Variants in ZPBP observed in about 807,000 individuals in gnomAD.
ZPBP encodes the protein zona pellucida binding protein, also known as zona pellucida-binding protein 1.
Under a neutral mutation model 44.8 loss-of-function variants are expected in ZPBP, and 26 were observed. The ratio of observed to expected loss-of-function variants is 0.58; its 90% CI spans 0.43 to 0.81. The LOEUF (loss-of-function observed/expected upper bound fraction) is 0.81, where lower values mean the gene tolerates loss of function less well. ZPBP is among the 30% of genes least tolerant of loss of function. The pLI is 0.00. For missense variants in ZPBP, 409 were observed against 434.0 expected (o/e 0.94, Z 0.51); for synonymous variants, 174 against 153.2 (o/e 1.14, Z -1.00).
intron 6 of ZPBP, among the ~76,000 whole-genome samples, chr7:49,997,403 A>G (rs1797895845): frequency 6.6e-6 from 1 of 152,168 alleles, no homozygotes; most frequent in South Asian, 2.1e-4. Flanking sequence ...CATAGCTCTA[A>G]CATTCATTCA....
chr7:49,962,266 A>G (rs1358839685), intron 7 of ZPBP, among the ~76,000 whole-genome samples: 2 of 151,916 alleles, frequency 1.3e-5, no homozygotes, highest in Non-Finnish European at 2.9e-5. Flanking sequence ...TTATTATAGC[A>G]TATAAAAATT....
intron 7 of ZPBP, among the ~76,000 whole-genome samples, chr7:49,976,441 C>T (rs1339578789): frequency 6.6e-6 from 1 of 152,070 alleles, no homozygotes; most frequent in African/African-American, 2.4e-5. Flanking sequence ...AAGTTGACAA[C>T]TGTTTGATTT....
At chr7:49,878,556 C>T (rs1791540292) in intron 2 of ZPBP, among the ~76,000 whole-genome samples, 1 of 152,156 alleles carries the variant, frequency 6.6e-6, no homozygotes, top group Admixed American at 6.6e-5. Context: ...TCCCAGCTCT[C>T]AACGCTCGGT....
At chr7:50,004,893 T>C (rs2128796919) in intron 6 of ZPBP, among the ~76,000 whole-genome samples, 1 of 152,106 alleles carries the variant, frequency 6.6e-6, no homozygotes, top group South Asian at 2.1e-4. Context: ...TAAATAAAAA[T>C]GGCTGAAAAT....
chr7:49,909,570 C>T (rs1314745148), intron 1 of ZPBP, among the ~76,000 whole-genome samples: 2 of 152,046 alleles, frequency 1.3e-5, no homozygotes, highest in East Asian at 3.9e-4. Flanking sequence ...AATTTAAAGT[C>T]TTACAATTCA....
chr7:50,080,824 G>A (rs868197802), intron 3 of ZPBP, among the ~76,000 whole-genome samples: 4 of 151,692 alleles, frequency 2.6e-5, no homozygotes, highest in Middle Eastern at 3.4e-3. Context: ...TTGCACAATC[G>A]TTCCTACTTT....
chr7:49,887,187 T>A (rs1220087866), intron 2 of ZPBP, among the ~76,000 whole-genome samples: 3 of 152,202 alleles, frequency 2.0e-5, no homozygotes, highest in Non-Finnish European at 2.9e-5. Context: ...TCCCCCCCAA[T>A]CTCAATACTA....
At chr7:50,048,711 T>C (rs983475102) in intron 4 of ZPBP, among the ~76,000 whole-genome samples, 1 of 151,902 alleles carries the variant, frequency 6.6e-6, no homozygotes, top group East Asian at 1.9e-4. Flanking sequence ...TAATATGCCA[T>C]AGGCATGGCA....
At position 50,066,486 on chromosome 7, in the gene ZPBP, C is replaced by CAA. The variant is rs1389593246; in HGVS notation, c.335-8346_335-8345insTT. Among the ~76,000 whole-genome samples the CAA allele has an allele frequency of 1.9e-3, 291 of 152,182 alleles. 4 individuals carry two copies. The highest frequency in any genetic ancestry group is 6.7e-3 in the African/African-American group (278 of 41,518). ...CCAGGTAGTGTCTACACAGTGTGGG[C>CAA]ATTTTTCTAGAGATTTCTTCCCTTT... On this transcript the variant is annotated intron_variant, in intron 3 of 7. Transcript: ENST00000046087.
At chr7:49,976,512 C>G (rs1036338206) in intron 7 of ZPBP, among the ~76,000 whole-genome samples, 2 of 152,136 alleles carry the variant, frequency 1.3e-5, no homozygotes, top group Non-Finnish European at 2.9e-5. Context: ...CCACACACCC[C>G]CTTCTATCCA....
Position 50,081,912 on chromosome 7 carries a change from T to C in ZPBP, c.209-13A>G. On this transcript the variant is annotated splice_polypyrimidine_tract_variant and intron_variant, in intron 2 of 7. Coordinates refer to ENST00000046087, the MANE Select transcript of ZPBP (RefSeq NM_007009.3). Reference sequence around the variant, plus strand: ...ACATACGCTTTCACTGAAAATACAATATTTAAAATGTTCCAATAGTATTTT... The same window carrying C: ...ACATACGCTTTCACTGAAAATACAACATTTAAAATGTTCCAATAGTATTTT... 4.3e-6 allele frequency: 7 copies of C among 1,609,590 alleles called. No homozygotes were observed. The highest frequency in any genetic ancestry group is 5.9e-6 in the Non-Finnish European group (7 of 1,177,310).
chr7:50,041,248 G>A (rs532736001), intron 4 of ZPBP, among the ~76,000 whole-genome samples: 22 of 152,274 alleles, frequency 1.4e-4, no homozygotes, highest in South Asian at 4.1e-4. Flanking sequence ...AGGCTTAACC[G>A]CTCCTGCCTG....
chr7:49,982,283 T>G (rs1208194785), intron 7 of ZPBP, among the ~76,000 whole-genome samples: 1 of 100,530 alleles, frequency 9.9e-6, no homozygotes, highest in Admixed American at 1.5e-4. Context: ...TAATTTATAA[T>G]TATACATAAT....
intron 2 of ZPBP, among the ~76,000 whole-genome samples, chr7:49,891,393 TTTTA>T (rs2128730588): frequency 1.3e-5 from 2 of 152,334 alleles, no homozygotes; most frequent in East Asian, 3.9e-4. Context: ...TAATTGGAAG[TTTTA>T]TTTGTCATCA....
intron 5 of ZPBP, among the ~76,000 whole-genome samples, chr7:50,028,620 C>T (rs1482685105): frequency 6.7e-6 from 1 of 150,286 alleles, no homozygotes; most frequent in Non-Finnish European, 1.5e-5. Context: ...ACTATTAGAG[C>T]TAATAAAGGA....
At chr7:50,051,976 A>C (rs182391137) in intron 4 of ZPBP, among the ~76,000 whole-genome samples, 1 of 139,902 alleles carries the variant, frequency 7.1e-6, no homozygotes, top group Non-Finnish European at 1.6e-5. Context: ...ATTTTTTTTT[A>C]AAAAAAGGAA....
intron 1 of ZPBP, chr7:49,917,397 A>C (rs957584339): frequency 2.0e-5 from 3 of 152,226 alleles, no homozygotes; most frequent in African/African-American, 7.2e-5. Context: ...AAGTTTCAAT[A>C]GAATTAGGAA....
At chr7:49,872,933 A>AG (rs386410113) in intron 2 of ZPBP, among the ~76,000 whole-genome samples, 10 of 147,932 alleles carry the variant, frequency 6.8e-5, no homozygotes, top group African/African-American at 2.3e-4. Context: ...AAAAAAAAAA[A>AG]AAAAGAAAGA....
At chr7:50,016,952 G>A (rs1911769) in intron 6 of ZPBP, among the ~76,000 whole-genome samples, 43,906 of 152,008 alleles carry the variant, frequency 0.29, 6,990 homozygotes, top group Non-Finnish European at 0.37. Context: ...GAGATAATAT[G>A]TGAATTAATG....
Sources: gnomAD v4.1 joint callset for allele counts (sites outside exome capture counted in the v4.1 genomes callset) on GRCh38, gnomAD v4.1.1 for gene constraint, MANE v1.5 for transcripts, NCBI Gene and HGNC (gene_info 2026-07-23, HGNC 2026-07-21) for gene names.